The following CTIF variants were observed in gnomAD, a reference collection of about 807,000 sequenced individuals.
CTIF encodes CBP80/20-dependent translation initiation factor.
A neutral mutation model predicts 66.0 loss-of-function variants in CTIF; 21 were observed. The observed-to-expected ratio is 0.32, with a 90% CI of 0.23 to 0.46. The LOEUF (loss-of-function observed/expected upper bound fraction) is 0.46, where lower values mean the gene tolerates loss of function less well. Ranked by LOEUF, CTIF falls within the 20% of genes least tolerant of loss-of-function variation. The probability of loss-of-function intolerance (pLI) is 1.00; values close to 1 mark genes in which losing one functional copy is unlikely to be tolerated. For synonymous variants in CTIF, 345 were observed against 326.4 expected, an observed-to-expected ratio of 1.06 and a Z score of -0.62; for missense variants, 739 against 812.7, an observed-to-expected ratio of 0.91 and a Z score of 1.10.
intron 1 of CTIF, among the ~76,000 whole-genome samples, chr18:48,569,931 T>C (rs2089373655): frequency 6.6e-6 from 1 of 152,226 alleles, no homozygotes; most frequent in Admixed American, 6.5e-5. Context: ...TCTCTGTTTC[T>C]AGGGCCAGTG....
Position 48,758,208 on chromosome 18 carries a change from A to T in CTIF, c.874A>T (p.Ser292Cys). 1 of 1,613,504 alleles carries T rather than the reference A, an allele frequency of 6.2e-7. No individual in the cohort carries two copies. Residue 292 changes from serine to cysteine, a missense_variant, in exon 8 of 12, where the codon AGC becomes TGC. Physicochemically the swap from Ser to Cys is moderately radical, Grantham distance 112. This residue lies in a region of CTIF where 529 missense variants were observed against 520.3 expected (regional missense o/e 1.02). Transcript: ENST00000256413. ...LEDTAGDTGHSSLEAPRSPDT... is the reference protein window; with the variant it reads ...LEDTAGDTGHCSLEAPRSPDT... ...GGACACTGCAGGGGACACCGGGCAC[A>T]GCAGCCTTGAGGCCCCCCGCAGCCC...
At chr18:48,585,776 C>A (rs535784273) in intron 1 of CTIF, among the ~76,000 whole-genome samples, 229 of 152,304 alleles carry the variant, frequency 1.5e-3, no homozygotes, top group African/African-American at 5.2e-3. Flanking sequence ...GACCACTGTT[C>A]CCACCTCCCA....
intron 1 of CTIF, among the ~76,000 whole-genome samples, chr18:48,577,635 C>T (rs966452004): frequency 2.6e-5 from 4 of 152,206 alleles, no homozygotes; most frequent in Non-Finnish European, 4.4e-5. Flanking sequence ...TGCAGTAGTG[C>T]AATCATGGCT....
chr18:48,788,549 C>G (rs540982668), intron 9 of CTIF, among the ~76,000 whole-genome samples: 1 of 152,222 alleles, frequency 6.6e-6, no homozygotes, highest in African/African-American at 2.4e-5. Context: ...GCATTTTTCC[C>G]CTGCCTGGCC....
At chr18:48,845,904 C>T (rs954058916) in intron 10 of CTIF, among the ~76,000 whole-genome samples, 2 of 152,180 alleles carry the variant, frequency 1.3e-5, no homozygotes, top group African/African-American at 4.8e-5. Flanking sequence ...TATCCTCCTC[C>T]CTTCCTGCCA....
At chr18:48,585,165 T>C (rs1008171273) in intron 1 of CTIF, among the ~76,000 whole-genome samples, 13 of 152,260 alleles carry the variant, frequency 8.5e-5, no homozygotes, top group Admixed American at 2.0e-4. Context: ...AGCATTGTCA[T>C]GTGCCAGGGC....
chr18:48,623,928 TAGATAGATA>T (rs1353115104), intron 2 of CTIF, among the ~76,000 whole-genome samples: 3 of 145,680 alleles, frequency 2.1e-5, no homozygotes, highest in Non-Finnish European at 4.4e-5. Context: ...ACATAGATAA[TAGATAGATA>T]AGATAGATAG....
intron 1 of CTIF, among the ~76,000 whole-genome samples, chr18:48,611,152 C>T (rs1240635161): frequency 6.6e-6 from 1 of 152,232 alleles, no homozygotes; most frequent in Non-Finnish European, 1.5e-5. Context: ...GTCCCAGTGT[C>T]CTCACCTGCG....
intron 1 of CTIF, among the ~76,000 whole-genome samples, chr18:48,599,909 C>T (rs1024233157): frequency 3.3e-5 from 5 of 152,198 alleles, no homozygotes; most frequent in African/African-American, 7.2e-5. Context: ...TGGCCTGTCA[C>T]GGGGCTTCCC....
At chr18:48,657,216 C>T (rs1433301184) in intron 3 of CTIF, among the ~76,000 whole-genome samples, 3 of 152,208 alleles carry the variant, frequency 2.0e-5, no homozygotes, top group Non-Finnish European at 1.5e-5. Context: ...AGAAATATTG[C>T]ATACTCCACT....
rs754410030 is a variant in CTIF at position 48,859,409 on chromosome 18, C to T, written c.1647C>T (p.Ser549=). 9.3e-6 allele frequency: 15 copies of T among 1,614,020 alleles called. No individual in the cohort carries two copies. Among genetic ancestry groups the T allele is most frequent in the Middle Eastern group, 1.6e-4 (1 of 6,084 alleles). ...LPEMMTELLA[S]ARDKMLCPSE... ...AGATGATGACAGAGCTCCTGGCCAG[C>T]GCACGGGACAAGATGCTGTGCCCCT... The change falls in exon 12 of 12, where the codon AGC becomes AGT. Residue 549 remains serine (S), a synonymous_variant. Coordinates refer to ENST00000256413, the MANE Select transcript of CTIF (RefSeq NM_014772.3).
intron 6 of CTIF, among the ~76,000 whole-genome samples, chr18:48,706,428 GC>G (rs1380958658): frequency 5.3e-5 from 8 of 152,256 alleles, no homozygotes; most frequent in African/African-American, 1.9e-4. Flanking sequence ...TGGTCACAGA[GC>G]CACCCGGCAC....
intron 5 of CTIF, among the ~76,000 whole-genome samples, chr18:48,668,614 T>C (rs1359007286): frequency 1.3e-5 from 2 of 151,974 alleles, no homozygotes; most frequent in Non-Finnish European, 2.9e-5. Flanking sequence ...GCCTACCCCT[T>C]GCACCCTGAC....
intron 9 of CTIF, among the ~76,000 whole-genome samples, chr18:48,764,980 C>G (rs1209019405): frequency 6.6e-6 from 1 of 152,232 alleles, no homozygotes; most frequent in Non-Finnish European, 1.5e-5. Context: ...TGAACCACAT[C>G]TGGCTGAGCC....
chr18:48,541,087 C>T (rs1223023634), intron 1 of CTIF, among the ~76,000 whole-genome samples: 1 of 152,194 alleles, frequency 6.6e-6, no homozygotes, highest in Non-Finnish European at 1.5e-5. Context: ...TGACCCCGCA[C>T]CGAGGCGTTC....
chr18:48,663,657 C>A, intron 3 of CTIF, 95 bp from the exon 4 acceptor site: 1 of 1,123,036 alleles, frequency 8.9e-7, no homozygotes, highest in Non-Finnish European at 1.4e-6. Context: ...CTTGGGGGCT[C>A]ACTCCAGCCC....
intron 3 of CTIF, among the ~76,000 whole-genome samples, chr18:48,645,050 C>T (rs946881956): frequency 2.0e-5 from 3 of 152,144 alleles, no homozygotes; most frequent in African/African-American, 7.2e-5. Context: ...TAAACTTCTG[C>T]TTCTGGAAAA....
At position 48,648,487 on chromosome 18, in the gene CTIF, ACG is replaced by A. The variant is rs1491519607; in HGVS notation, c.252+11804_252+11805del. On this transcript the variant is annotated intron_variant, in intron 3 of 11. Coordinates refer to ENST00000256413, the MANE Select transcript of CTIF (RefSeq NM_014772.3). ...GTTCTGAACACACACACACACACAC[ACG>A]CACACACACACACAAACACACACAT... is the stretch of plus-strand genomic sequence containing the variant. 1.3e-4 allele frequency among the ~76,000 whole-genome samples: 19 copies of A among 149,970 alleles called. No homozygotes were observed. In the South Asian group the frequency reaches 1.5e-3, roughly 12 times the overall value.
chr18:48,608,492 G>A (rs1293897623), intron 1 of CTIF, among the ~76,000 whole-genome samples: 1 of 152,048 alleles, frequency 6.6e-6, no homozygotes, highest in Non-Finnish European at 1.5e-5. Context: ...GTGGGGGGGT[G>A]GGGGCAGGCA....
Sources: gnomAD v4.1 joint callset for allele counts (sites outside exome capture counted in the v4.1 genomes callset) on GRCh38, gnomAD v4.1.1 for gene constraint, gnomAD v4.1.1 regional missense constraint, MANE v1.5 for transcripts, NCBI Gene and HGNC (gene_info 2026-07-23, HGNC 2026-07-21) for gene names.